The following MPPED2 variants were observed in gnomAD, a reference collection of about 807,000 sequenced individuals.
MPPED2 encodes metallophosphoesterase domain containing 2, also known as metallophosphoesterase MPPED2.
MPPED2 carries 5 observed loss-of-function variants against 33.0 expected under a neutral mutation model. The observed-to-expected ratio is 0.15, with a 90% CI of 0.08 to 0.32. The LOEUF is 0.32. MPPED2 is among the 10% of genes least tolerant of loss of function. The probability of loss-of-function intolerance (pLI) is 1.00; values close to 1 mark genes in which losing one functional copy is unlikely to be tolerated. For synonymous variants in MPPED2, 136 were observed against 141.9 expected (o/e 0.96, Z 0.29); for missense variants, 275 against 372.1 (o/e 0.74, Z 2.15).
chr11:30,438,957 G>A (rs1202080448), intron 4 of MPPED2, among the ~76,000 whole-genome samples: 1 of 152,160 alleles, frequency 6.6e-6, no homozygotes, highest in Non-Finnish European at 1.5e-5. Flanking sequence ...ACTCAGAGAA[G>A]GAACATGCTA....
intron 2 of MPPED2, among the ~76,000 whole-genome samples, chr11:30,577,049 C>G (rs952011385): frequency 1.3e-5 from 2 of 152,152 alleles, no homozygotes; most frequent in Non-Finnish European, 2.9e-5. Flanking sequence ...AAGATGGGGA[C>G]TGGGTCTTAT....
At chr11:30,402,939 A>G in intron 6 of MPPED2, among the ~76,000 whole-genome samples, 1 of 152,112 alleles carries the variant, frequency 6.6e-6, no homozygotes, top group East Asian at 1.9e-4. Flanking sequence ...AATTTTGGTT[A>G]TTCAGCCCAT....
intron 4 of MPPED2, among the ~76,000 whole-genome samples, chr11:30,478,363 A>G (rs1951317773): frequency 6.6e-6 from 1 of 152,150 alleles, no homozygotes; most frequent in African/African-American, 2.4e-5. Flanking sequence ...AAATAAGCAA[A>G]AGAATGAAAA....
At chr11:30,432,053 T>A (rs1460534812) in intron 4 of MPPED2, among the ~76,000 whole-genome samples, 19 of 151,906 alleles carry the variant, frequency 1.3e-4, no homozygotes, top group Non-Finnish European at 1.5e-4. Context: ...CTTGTAATCC[T>A]GGCTACTTGG....
At chr11:30,437,487 C>T (rs1949374850) in intron 4 of MPPED2, among the ~76,000 whole-genome samples, 1 of 152,172 alleles carries the variant, frequency 6.6e-6, no homozygotes, top group Non-Finnish European at 1.5e-5. Flanking sequence ...GGGCTACTCT[C>T]TGTTTCTAAG....
intron 3 of MPPED2, among the ~76,000 whole-genome samples, chr11:30,513,348 A>G (rs997391991): frequency 6.6e-6 from 1 of 152,158 alleles, no homozygotes; most frequent in Admixed American, 6.5e-5. Context: ...TCTTCTGTGC[A>G]CATCTTTGTT....
In MPPED2 at chr11:30,529,605, T is replaced by C. The variant is rs542193047; in HGVS notation, c.310+6389A>G. Among the ~76,000 whole-genome samples, 20 of 152,322 alleles carry C rather than the reference T, an allele frequency of 1.3e-4. No individual in the cohort carries two copies. The East Asian group carries it at 3.5e-3, about 26-fold the overall frequency. The stretch of plus-strand genomic sequence containing the variant: ...TGTTAACAGTAGTTACATCTGTTCA[T>C]AGGTAATTTTGTTTTCTTCTTTTCA... On this transcript the variant is annotated intron_variant, in intron 3 of 6. Coordinates refer to ENST00000358117, the MANE Select transcript of MPPED2 (RefSeq NM_001584.3).
At chr11:30,434,809 A>G (rs1414161936) in intron 4 of MPPED2, among the ~76,000 whole-genome samples, 1 of 152,172 alleles carries the variant, frequency 6.6e-6, no homozygotes, top group Non-Finnish European at 1.5e-5. Flanking sequence ...GGTACTTTCA[A>G]TGCATTAGCT....
chr11:30,582,101 C>T (rs777308772), intron 1 of MPPED2, among the ~76,000 whole-genome samples: 16 of 152,162 alleles, frequency 1.1e-4, no homozygotes, highest in Admixed American at 7.8e-4. Flanking sequence ...ATTTCTCCCA[C>T]AATTATATTT....
At position 30,583,134 on chromosome 11, in the gene MPPED2, C is replaced by CTTTTTTTCTTTTTTTTTTTTTTTTTTT. The variant is rs1554919022; in HGVS notation, c.-121-2641_-121-2640insAAAAAAAAAAAAAAAAAAAGAAAAAAA. On this transcript the variant is annotated intron_variant, in intron 1 of 6. Transcript: ENST00000358117. ...CACAAACACCTGGAAAAGACTTTTT[C>CTTTTTTTCTTTTTTTTTTTTTTTTTTT]TTTTTTTTTTTTTTTTTTTTTTTTT... Among the ~76,000 whole-genome samples the CTTTTTTTCTTTTTTTTTTTTTTTTTTT allele has an allele frequency of 1.4e-3, 140 of 96,660 alleles. 10 individuals are homozygous for CTTTTTTTCTTTTTTTTTTTTTTTTTTT. Among genetic ancestry groups the CTTTTTTTCTTTTTTTTTTTTTTTTTTT allele is most frequent in the African/African-American group, 2.4e-3 (49 of 20,688 alleles). The allele number at this position is 96,660 out of a possible 152,430, so 63.4% of individuals were successfully genotyped here.
intron 4 of MPPED2, among the ~76,000 whole-genome samples, chr11:30,471,570 G>A (rs1352019586): frequency 2.0e-5 from 3 of 152,184 alleles, no homozygotes; most frequent in Non-Finnish European, 4.4e-5. Context: ...CATCATGTCT[G>A]TCTCCCAAGT....
intron 4 of MPPED2, among the ~76,000 whole-genome samples, chr11:30,462,119 TA>T (rs1950536614): frequency 6.6e-6 from 1 of 152,366 alleles, no homozygotes; most frequent in South Asian, 2.1e-4. Context: ...AGCTTTGCCC[TA>T]CTTTTGGGCA....
intron 4 of MPPED2, among the ~76,000 whole-genome samples, chr11:30,455,887 A>G (rs1473854509): frequency 2.6e-5 from 4 of 152,206 alleles, no homozygotes; most frequent in African/African-American, 7.2e-5. Flanking sequence ...GCTCTGCAAG[A>G]TTGACATAGT....
At chr11:30,492,635 C>G (rs1424741199) in intron 4 of MPPED2, among the ~76,000 whole-genome samples, 1 of 152,036 alleles carries the variant, frequency 6.6e-6, no homozygotes, top group Non-Finnish European at 1.5e-5. Flanking sequence ...TACAGTTTGA[C>G]AGGACTGATT....
At chr11:30,441,762 C>T (rs550411065) in intron 4 of MPPED2, among the ~76,000 whole-genome samples, 26 of 152,252 alleles carry the variant, frequency 1.7e-4, no homozygotes, top group African/African-American at 6.3e-4. Context: ...TAGGTTTCCC[C>T]ATTCCTGATT....
At chr11:30,479,065 C>T (rs1951356238) in intron 4 of MPPED2, among the ~76,000 whole-genome samples, 1 of 152,050 alleles carries the variant, frequency 6.6e-6, no homozygotes, top group African/African-American at 2.4e-5. Flanking sequence ...GGGACATTTT[C>T]CCAGAGGGCC....
intron 2 of MPPED2, among the ~76,000 whole-genome samples, chr11:30,579,777 A>G (rs986309454): frequency 6.6e-6 from 1 of 152,008 alleles, no homozygotes; most frequent in Admixed American, 6.6e-5. Context: ...ATTAGTCCCA[A>G]TTAGGCCTAT....
At chr11:30,400,598 TGA>T (rs1947896134) in intron 6 of MPPED2, among the ~76,000 whole-genome samples, 1 of 152,240 alleles carries the variant, frequency 6.6e-6, no homozygotes, top group Non-Finnish European at 1.5e-5. Context: ...TAACCTGTCA[TGA>T]GACATCATCC....
rs891199821 is a variant in MPPED2, at chr11:30,527,053, G to C, written c.310+8941C>G. Among the ~76,000 whole-genome samples, 11 of 151,934 alleles carry C rather than the reference G, an allele frequency of 7.2e-5. 1 individual carries two copies. The highest frequency in any genetic ancestry group is 4.4e-5 in the Non-Finnish European group (3 of 67,990). On this transcript the variant is annotated intron_variant, in intron 3 of 6. Transcript: ENST00000358117. ...CATTGCCCTGCCTCAGCCTCTCGGA[G>C]TAGCTGGGACTACAGGCGCCCACCA... is the stretch of plus-strand genomic sequence containing the variant.
Sources: gnomAD v4.1 joint callset for allele counts (sites outside exome capture counted in the v4.1 genomes callset) on GRCh38, gnomAD v4.1.1 for gene constraint, MANE v1.5 for transcripts, NCBI Gene and HGNC (gene_info 2026-07-23, HGNC 2026-07-21) for gene names.